The following AHI1 variants were observed in gnomAD, a reference collection of about 807,000 sequenced individuals.
The protein encoded by AHI1 is Abelson helper integration site 1.
AHI1 carries 123 observed loss-of-function variants against 149.3 expected under a neutral mutation model. The ratio of observed to expected loss-of-function variants is 0.82; its 90% CI spans 0.71 to 0.96. The LOEUF (loss-of-function observed/expected upper bound fraction) is 0.96. Among genes scored for constraint, AHI1 ranks in the 40% least tolerant of loss-of-function variants. The pLI is 0.00. For synonymous variants in AHI1, 475 were observed against 459.8 expected (o/e 1.03, Z -0.42); for missense variants, 1,439 against 1,422.7 (o/e 1.01, Z -0.18).
At chr6:135,374,373 A>G (rs1261835868) in intron 23 of AHI1, among the ~76,000 whole-genome samples, 1 of 151,792 alleles carries the variant, frequency 6.6e-6, no homozygotes. Context: ...CAGCCTCCCA[A>G]AGTGCTGGGA....
chr6:135,455,285 G>A (rs1314905564), intron 10 of AHI1, among the ~76,000 whole-genome samples: 2 of 152,058 alleles, frequency 1.3e-5, no homozygotes, highest in African/African-American at 4.8e-5. Context: ...TCACATATAA[G>A]TTCTACATCA....
chr6:135,338,373 T>C (rs976958673), intron 24 of AHI1, among the ~76,000 whole-genome samples: 1 of 151,790 alleles, frequency 6.6e-6, no homozygotes, highest in Non-Finnish European at 1.5e-5. Context: ...CATATAATTC[T>C]AATTGTGATA....
intron 20 of AHI1, among the ~76,000 whole-genome samples, chr6:135,425,735 T>C (rs1290950780): frequency 6.6e-6 from 1 of 151,790 alleles, no homozygotes; most frequent in African/African-American, 2.4e-5. Context: ...CTAAAATGCT[T>C]AGCTCTTTCT....
chr6:135,492,674 T>G (rs935714682), intron 3 of AHI1: 12 of 985,268 alleles, frequency 1.2e-5, no homozygotes, highest in Non-Finnish European at 1.4e-5. Context: ...CTAAGAGCAT[T>G]CAATATTACA....
At chr6:135,488,181 T>C (rs1199431686) in intron 5 of AHI1, among the ~76,000 whole-genome samples, 1 of 152,134 alleles carries the variant, frequency 6.6e-6, no homozygotes, top group Non-Finnish European at 1.5e-5. Context: ...TCTCATAAAT[T>C]TTGCCTGGAA....
intron 26 of AHI1, chr6:135,302,529 C>G: frequency 9.7e-7 from 1 of 1,035,820 alleles, no homozygotes; most frequent in Non-Finnish European, 1.2e-6. Context: ...ATCTTTTCTA[C>G]TGTGTATTCC....
intron 24 of AHI1, among the ~76,000 whole-genome samples, chr6:135,352,734 CACAA>C (rs1792336013): frequency 6.8e-6 from 1 of 147,998 alleles, no homozygotes; most frequent in African/African-American, 2.5e-5. Flanking sequence ...CACACACACA[CACAA>C]TATATATACA....
rs73777558 is a variant in AHI1 at position 135,490,686 on chromosome 6, A to G, written c.72T>C (p.Ser24=). ...GTTTTTTCTTTTCACGCATTAGATC[A>G]CTGTGGGTCTTAAGCAATTCTTCAA... ...VRFEELLKTH[S]DLMREKKKLK... The change falls in exon 5 of 29, where the codon AGT becomes AGC. Residue 24 remains serine (S), a synonymous_variant. Transcript: ENST00000265602. 2.5e-4 allele frequency: 405 copies of G among 1,613,382 alleles called. 1 individual carries two copies. In the African/African-American group the frequency reaches 4.7e-3, roughly 19 times the overall value.
In AHI1 at chr6:135,493,943, T is replaced by C. The variant is rs546696396; in HGVS notation, c.-54-1652A>G. On this transcript the variant is annotated intron_variant, in intron 3 of 28. Coordinates refer to ENST00000265602, the MANE Select transcript of AHI1 (RefSeq NM_001134831.2). ...CTGTAATCCCAGCTACTGGGGAGGCTGAGGCAGGAAAATCGCTTGAACCTG... is the reference window on the plus strand; with the variant it reads ...CTGTAATCCCAGCTACTGGGGAGGCCGAGGCAGGAAAATCGCTTGAACCTG... Among the ~76,000 whole-genome samples the C allele has an allele frequency of 9.2e-4, 140 of 152,296 alleles. 1 individual carries two copies. The highest frequency in any genetic ancestry group is 3.2e-3 in the African/African-American group (133 of 41,560).
At chr6:135,352,230 T>C (rs1792229790) in intron 24 of AHI1, among the ~76,000 whole-genome samples, 1 of 152,198 alleles carries the variant, frequency 6.6e-6, no homozygotes, top group South Asian at 2.1e-4. Flanking sequence ...ATCAAATACC[T>C]TACTATTGCT....
At chr6:135,382,479 G>C (rs778421085) in intron 23 of AHI1, among the ~76,000 whole-genome samples, 11 of 152,098 alleles carry the variant, frequency 7.2e-5, no homozygotes, top group Non-Finnish European at 1.6e-4. Flanking sequence ...TTCATTTCCA[G>C]AAAACATTAC....
chr6:135,369,332 C>G (rs922678849), intron 23 of AHI1, among the ~76,000 whole-genome samples: 1 of 152,190 alleles, frequency 6.6e-6, no homozygotes, highest in Non-Finnish European at 1.5e-5. Flanking sequence ...CTTGGCTTTT[C>G]TGGTAGTAGT....
intron 28 of AHI1, chr6:135,286,479 C>T (rs895200488): frequency 1.3e-5 from 2 of 152,308 alleles, no homozygotes; most frequent in African/African-American, 2.4e-5. Flanking sequence ...AGTTTCAGAA[C>T]GATGGCAAAT....
intron 23 of AHI1, among the ~76,000 whole-genome samples, chr6:135,388,723 G>A (rs1406757893): frequency 6.6e-6 from 1 of 152,180 alleles, no homozygotes; most frequent in African/African-American, 2.4e-5. Context: ...AAAAAATGCA[G>A]TTCTTCGACC....
At position 135,463,133 on chromosome 6, in the gene AHI1, GTCT is replaced by G. The variant is rs750058249; in HGVS notation, c.920_922del (p.Lys307del). The stretch of plus-strand genomic sequence containing the variant: ...TAATTTGTATAGCAAACCTGCTTTA[GTCT>G]TCTTTTTTGTTTTTTTTGGTTTAGG... On this transcript the variant is annotated inframe_deletion, in exon 8 of 29. Transcript: ENST00000265602. 3.8e-6 allele frequency: 6 copies of G among 1,574,372 alleles called. No homozygotes were observed. The South Asian group carries it at 4.9e-5, about 13-fold the overall frequency.
chr6:135,345,732 A>T (rs1791097668), intron 24 of AHI1, among the ~76,000 whole-genome samples: 1 of 152,174 alleles, frequency 6.6e-6, no homozygotes, highest in African/African-American at 2.4e-5. Flanking sequence ...AATTAGATAG[A>T]GGTGATGGCT....
At chr6:135,433,519 A>G (rs1297849419) in intron 15 of AHI1, among the ~76,000 whole-genome samples, 1 of 152,136 alleles carries the variant, frequency 6.6e-6, no homozygotes, top group East Asian at 1.9e-4. Context: ...AAAATTAATA[A>G]CTTTTTAAAA....
chr6:135,382,788 A>C (rs1677190220), intron 23 of AHI1, among the ~76,000 whole-genome samples: 1 of 150,858 alleles, frequency 6.6e-6, no homozygotes, highest in African/African-American at 2.4e-5. Flanking sequence ...AATAAAAAAA[A>C]CTGTTATTTT....
chr6:135,389,276 A>ACT (rs1468725816), intron 23 of AHI1, among the ~76,000 whole-genome samples: 1 of 145,918 alleles, frequency 6.9e-6, no homozygotes, highest in Admixed American at 6.8e-5. Context: ...GTGCCACTGC[A>ACT]CCAGCCTGGG....
Sources: gnomAD v4.1 joint callset for allele counts (sites outside exome capture counted in the v4.1 genomes callset) on GRCh38, gnomAD v4.1.1 for gene constraint, MANE v1.5 for transcripts, NCBI Gene and HGNC (gene_info 2026-07-23, HGNC 2026-07-21) for gene names.